Variants in NPRL3 observed in about 807,000 individuals in gnomAD.
NPRL3 encodes GATOR1 complex protein NPRL3.
NPRL3 carries 23 observed loss-of-function variants against 57.2 expected under a neutral mutation model. That is an observed-to-expected ratio of 0.40 (90% CI 0.29 to 0.57). The LOEUF (loss-of-function observed/expected upper bound fraction) is 0.57, where lower values mean the gene tolerates loss of function less well. NPRL3 is among the 20% of genes least tolerant of loss of function. The pLI is 0.42. For synonymous variants in NPRL3, 333 were observed against 321.1 expected (o/e 1.04, Z -0.39); for missense variants, 691 against 767.1 (o/e 0.90, Z 1.17).
intron 9 of NPRL3, 108 bp downstream of exon 9, chr16:98,037 G>A (rs749482507): frequency 4.1e-5 from 56 of 1,379,524 alleles, no homozygotes; most frequent in African/African-American, 3.0e-4. Flanking sequence ...GCTGTGCCGC[G>A]GCTCTCAGCT....
chr16:100,258 G>A (rs569307601), intron 8 of NPRL3, 114 bp downstream of exon 8: 18 of 1,134,204 alleles, frequency 1.6e-5, no homozygotes, highest in Admixed American at 3.7e-5. Context: ...GCAAGCTTCC[G>A]CAGTGGGAAG....
chr16:132,985 G>A (rs965258095), intron 2 of NPRL3, among the ~76,000 whole-genome samples: 43 of 152,086 alleles, frequency 2.8e-4, no homozygotes, highest in African/African-American at 8.9e-4. Context: ...GCACTTTTAC[G>A]TTATAGAGAT....
chr16:91,209 C>A (rs1015865521), intron 11 of NPRL3: 1 of 151,884 alleles, frequency 6.6e-6, no homozygotes, highest in African/African-American at 2.4e-5. Context: ...GAAACCCCGT[C>A]TCTACTAAAA....
chr16:103,043 C>T (rs1195083363), intron 7 of NPRL3, among the ~76,000 whole-genome samples: 2 of 152,046 alleles, frequency 1.3e-5, no homozygotes, highest in African/African-American at 2.4e-5. Flanking sequence ...TCTTGGCATC[C>T]GTATGCGACA....
At chr16:87,189 CA>C (rs1195526703) in intron 13 of NPRL3, among the ~76,000 whole-genome samples, 1 of 152,092 alleles carries the variant, frequency 6.6e-6, no homozygotes, top group Non-Finnish European at 1.5e-5. Context: ...TTTCGTGCTA[CA>C]GTGAGTCCCA....
chr16:90,231 A>C (rs1596497085), intron 11 of NPRL3: 1 of 308,634 alleles, frequency 3.2e-6, no homozygotes, highest in South Asian at 4.3e-5. Context: ...CAAACCCCCC[A>C]CCCTGTGCTG....
Position 98,205 on chromosome 16 carries a change from G to A in NPRL3, c.864C>T (p.Thr288=). 2 of 1,613,984 alleles carry A rather than the reference G, an allele frequency of 1.2e-6. No homozygotes were observed. Among genetic ancestry groups the A allele is most frequent in the Non-Finnish European group, 1.7e-6 (2 of 1,179,876 alleles). The change falls in exon 9 of 14, where the codon ACC becomes ACT. Residue 288 remains threonine, a synonymous_variant. Coordinates refer to ENST00000611875, the MANE Select transcript of NPRL3 (RefSeq NM_001077350.3). ...GCTGCAGGTTCTTCACAGCAGATGTGGTCTTGATCACCCGCACTAGGGCAG... is the reference window on the plus strand; with the variant it reads ...GCTGCAGGTTCTTCACAGCAGATGTAGTCTTGATCACCCGCACTAGGGCAG... ...CSPALVRVIK[T]TSAVKNLQQL...
intron 8 of NPRL3, among the ~76,000 whole-genome samples, chr16:99,354 CAATT>C (rs1175924399): frequency 1.4e-4 from 22 of 152,232 alleles, no homozygotes; most frequent in African/African-American, 4.8e-4. Context: ...TGCAGAAAAT[CAATT>C]AAATTGCCAG....
At chr16:114,347 C>T (rs922726094) in intron 5 of NPRL3, among the ~76,000 whole-genome samples, 1 of 152,134 alleles carries the variant, frequency 6.6e-6, no homozygotes, top group African/African-American at 2.4e-5. Flanking sequence ...TAGGGTGTGC[C>T]AGCACTAATG....
chr16:113,905 T>A (rs929299008), intron 5 of NPRL3, among the ~76,000 whole-genome samples: 17 of 152,298 alleles, frequency 1.1e-4, no homozygotes, highest in African/African-American at 4.1e-4. Context: ...TGGATGGACT[T>A]ACAACAAGGC....
Position 98,251 on chromosome 16 carries a change from T to C in NPRL3, c.818A>G (p.Glu273Gly). Residue 273 changes from glutamate to glycine, a missense_variant, in exon 9 of 14, where the codon GAG becomes GGG. Physicochemically the swap from Glu to Gly is moderately conservative, Grantham distance 98 (BLOSUM62 -2). Transcript: ENST00000611875. ...LLSDEKSLLG[E>G]LPIDCSPALV... is the part of the protein sequence containing the mutation. ...GGCAGGGGAGCAGTCAATAGGAAGC[T>C]CACCCAGCAAGGACTTCTCATCACT... 1 of 1,613,956 alleles carries C rather than the reference T, an allele frequency of 6.2e-7. No homozygotes were observed. Among genetic ancestry groups the C allele is most frequent in the Non-Finnish European group, 8.5e-7 (1 of 1,179,862 alleles).
At chr16:103,943 C>T (rs1173997846) in intron 7 of NPRL3, among the ~76,000 whole-genome samples, 2 of 152,114 alleles carry the variant, frequency 1.3e-5, no homozygotes, top group Admixed American at 6.6e-5. Flanking sequence ...GGAGAAACCC[C>T]GTCTCTATTA....
chr16:87,963 T>C (rs1351433991), intron 13 of NPRL3, among the ~76,000 whole-genome samples: 1 of 151,498 alleles, frequency 6.6e-6, no homozygotes, highest in Non-Finnish European at 1.5e-5. Flanking sequence ...GAGGCTAGGA[T>C]GCAGGTGAGA....
intron 12 of NPRL3, chr16:89,276 A>C (rs1211059663): frequency 3.7e-6 from 1 of 270,502 alleles, no homozygotes; most frequent in African/African-American, 2.2e-5. Context: ...GGGGACTTTC[A>C]AAGTCTTCCA....
At chr16:116,177 A>G (rs1250790511) in intron 5 of NPRL3, among the ~76,000 whole-genome samples, 1 of 151,832 alleles carries the variant, frequency 6.6e-6, no homozygotes, top group African/African-American at 2.4e-5. Flanking sequence ...CATCCTGCAA[A>G]CACTGTTCCC....
chr16:125,899 G>C (rs930716814), intron 3 of NPRL3: 1 of 152,306 alleles, frequency 6.6e-6, no homozygotes, highest in African/African-American at 2.4e-5. Context: ...CCCTGGCAGA[G>C]CCTCATGTGT....
intron 2 of NPRL3, among the ~76,000 whole-genome samples, chr16:135,685 T>C (rs1901044431): frequency 6.6e-6 from 1 of 151,384 alleles, no homozygotes; most frequent in Non-Finnish European, 1.5e-5. Context: ...TTGTTAATAA[T>C]TTTGGAGAGC....
At chr16:132,237 G>A (rs1438925984) in intron 2 of NPRL3, among the ~76,000 whole-genome samples, 1 of 152,012 alleles carries the variant, frequency 6.6e-6, no homozygotes, top group Admixed American at 6.6e-5. Flanking sequence ...CGAACTCCCG[G>A]GCTCAAGTGA....
In NPRL3 at chr16:138,191, T is replaced by A. The variant is rs574961287; in HGVS notation, c.77A>T (p.Tyr26Phe). The part of the protein sequence containing the change: ...GSRGNKLLFR[Y>F]PFQRSQEHPA... ...GTGCTCCTGGCTTCTCTGGAAGGGG[T>A]ACCTGAACAGCAGCTTATTGCCCCT... is the stretch of plus-strand genomic sequence containing the variant. The change falls in exon 2 of 14, where the codon TAC (tyrosine) becomes TTC (phenylalanine). Residue 26 changes from tyrosine (Y) to phenylalanine (F), a missense_variant. By Grantham distance (22) the Tyr-to-Phe change is conservative (BLOSUM62 3). Coordinates refer to ENST00000611875, the MANE Select transcript of NPRL3 (RefSeq NM_001077350.3). The A allele has an allele frequency of 6.2e-7, 1 of 1,609,478 alleles. No individual in the cohort carries two copies. The highest frequency in any genetic ancestry group is 1.1e-5 in the South Asian group (1 of 89,930).
Sources: gnomAD v4.1 joint callset for allele counts (sites outside exome capture counted in the v4.1 genomes callset) on GRCh38, gnomAD v4.1.1 for gene constraint, MANE v1.5 for transcripts, NCBI Gene and HGNC (gene_info 2026-07-23, HGNC 2026-07-21) for gene names.